The following ZNF431 variants were observed in gnomAD, a reference collection of about 807,000 sequenced individuals.
ZNF431 encodes the protein zinc finger protein 431.
Under a neutral mutation model 57.0 loss-of-function variants are expected in ZNF431, and 34 were observed. That is an observed-to-expected ratio of 0.60 (90% confidence interval 0.45 to 0.79). The LOEUF (loss-of-function observed/expected upper bound fraction) is 0.79, where lower values mean the gene tolerates loss of function less well. Among genes scored for constraint, ZNF431 ranks in the 30% least tolerant of loss-of-function variants. The probability of loss-of-function intolerance (pLI) is 0.00; values close to 1 mark genes in which losing one functional copy is unlikely to be tolerated. For missense variants in ZNF431, 607 were observed against 667.1 expected, an observed-to-expected ratio of 0.91 and a Z score of 0.99; for synonymous variants, 207 against 220.3, an observed-to-expected ratio of 0.94 and a Z score of 0.54.
In ZNF431 at chr19:21,143,581, A is replaced by C. The variant is rs200352708; in HGVS notation, c.34A>C (p.Lys12Gln). Residue 12 changes from lysine to glutamine, a missense_variant, in exon 2 of 5, where the codon AAG becomes CAG. Transcript: ENST00000311048. ...DDLKYGVYPL[K>Q]EASGCPGAER... is the part of the protein sequence containing the mutation. ...CTTGAAATATGGAGTGTATCCTCTC[A>C]AGGAAGCAAGTGGATGCCCTGGGGC... 1.9e-6 allele frequency: 3 copies of C among 1,613,868 alleles called. No homozygotes were observed. Among genetic ancestry groups the C allele is most frequent in the Non-Finnish European group, 2.5e-6 (3 of 1,179,878 alleles).
At chr19:21,142,315 C>T (rs958611925) in intron 1 of ZNF431, 129 bp downstream of exon 1, 7 of 1,333,572 alleles carry the variant, frequency 5.2e-6, no homozygotes, top group Non-Finnish European at 7.5e-6. Flanking sequence ...TCTCCTTGCC[C>T]AGCTCGGCCT....
At chr19:21,168,524 A>G (rs903126277) in intron 4 of ZNF431, among the ~76,000 whole-genome samples, 1 of 152,016 alleles carries the variant, frequency 6.6e-6, no homozygotes, top group African/African-American at 2.4e-5. Context: ...GTGCCACCAC[A>G]CATAGCTAAT....
chr19:21,189,331 A>G lies in ZNF431; in HGVS notation c.*5297A>G, dbSNP rs1175027417. The G allele has an allele frequency of 6.6e-6, 1 of 152,174 alleles. No individual in the cohort carries two copies. 9.4% of individuals were successfully genotyped at this position (152,174 alleles called of 1,614,324 possible). On this transcript the variant is annotated 3_prime_UTR_variant, in exon 5 of 5. Coordinates refer to ENST00000311048, the MANE Select transcript of ZNF431 (RefSeq NM_133473.4). ...GAAACCCTGTCTCTACTAAAAATAC[A>G]AAATAAGCAGCGTGTGGTGACACAT...
At chr19:21,169,245 T>C (rs1970811209) in intron 4 of ZNF431, among the ~76,000 whole-genome samples, 1 of 152,154 alleles carries the variant, frequency 6.6e-6, no homozygotes, top group Non-Finnish European at 1.5e-5. Flanking sequence ...TGTTTATGGT[T>C]TTTTTATATA....
chr19:21,184,116 C>T lies in ZNF431; in HGVS notation c.*82C>T. Reference sequence around the variant, plus strand: ...AAATGGCTCCCAGCATTTTGGGAGGCTGAGGTGGGTGGATCACAAGGTCAA... The same window carrying T: ...AAATGGCTCCCAGCATTTTGGGAGGTTGAGGTGGGTGGATCACAAGGTCAA... On this transcript the variant is annotated 3_prime_UTR_variant, in exon 5 of 5. Coordinates refer to ENST00000311048, the MANE Select transcript of ZNF431 (RefSeq NM_133473.4). 7.9e-7 allele frequency: 1 copy of T among 1,258,402 alleles called. No individual in the cohort carries two copies. The allele number at this position is 1,258,402 out of a possible 1,614,324, so 78.0% of individuals were successfully genotyped here.
At position 21,146,116 on chromosome 19, in the gene ZNF431, G is replaced by T. The variant is rs546216891; in HGVS notation, c.96+2473G>T. Among the ~76,000 whole-genome samples, 33 of 152,226 alleles carry T rather than the reference G, an allele frequency of 2.2e-4. 1 individual carries two copies. The highest frequency in any genetic ancestry group is 7.0e-4 in the African/African-American group (29 of 41,538). The stretch of plus-strand genomic sequence containing the variant: ...GTCCCAATCCAAGCCCCAAAAGAGG[G>T]TTCTTGGATTTTGCTCAAGAAAAAA... On this transcript the variant is annotated intron_variant, in intron 2 of 4. Transcript: ENST00000311048.
In ZNF431 at chr19:21,188,660, T is replaced by C. The variant is rs1288608566; in HGVS notation, c.*4626T>C. 1 of 152,196 alleles carries C rather than the reference T, an allele frequency of 6.6e-6. No homozygotes were observed. Among genetic ancestry groups the C allele is most frequent in the Non-Finnish European group, 1.5e-5 (1 of 68,036 alleles). 9.4% of individuals were successfully genotyped at this position (152,196 alleles called of 1,614,324 possible). On this transcript the variant is annotated 3_prime_UTR_variant, in exon 5 of 5. Transcript: ENST00000311048. ...AGTGGGAGAGGTTTAGTCTACAGTT[T>C]TTATTTTTAGTCACCAAACTGTAGC...
At chr19:21,142,289 A>C in intron 1 of ZNF431, 103 bp downstream of exon 1, 1 of 1,508,988 alleles carries the variant, frequency 6.6e-7, no homozygotes, top group South Asian at 1.1e-5. Context: ...TCAGCTCCAC[A>C]GTCTGCGCCC....
intron 2 of ZNF431, among the ~76,000 whole-genome samples, chr19:21,157,891 C>T (rs988900354): frequency 2.1e-4 from 31 of 148,258 alleles, no homozygotes; most frequent in African/African-American, 6.0e-4. Context: ...CCTTGTTCTG[C>T]GAGTCTGTTT....
At position 21,182,779 on chromosome 19, in the gene ZNF431, A is replaced by G. The variant is rs747475902; in HGVS notation, c.476A>G (p.Glu159Gly). 2 of 1,613,876 alleles carry G rather than the reference A, an allele frequency of 1.2e-6. No homozygotes were observed. Among genetic ancestry groups the G allele is most frequent in the Admixed American group, 3.3e-5 (2 of 60,014 alleles). The change falls in exon 5 of 5, where the codon GAA becomes GGA. Residue 159 changes from glutamate to glycine, a missense_variant. Coordinates refer to ENST00000311048, the MANE Select transcript of ZNF431 (RefSeq NM_133473.4). ...ASVDEYKVHK[E>G]GYNELNQCLT... is the part of the protein sequence containing the mutation. ...GTAGATGAGTATAAGGTGCACAAAG[A>G]AGGTTATAATGAGCTAAACCAGTGT...
intron 1 of ZNF431, among the ~76,000 whole-genome samples, chr19:21,142,528 G>A (rs1334359617): frequency 6.6e-6 from 1 of 152,236 alleles, no homozygotes; most frequent in Admixed American, 6.5e-5. Context: ...GCGGGTTCAT[G>A]AATGGGAAGA....
At chr19:21,158,712 A>C (rs892182693) in intron 2 of ZNF431, among the ~76,000 whole-genome samples, 8 of 151,888 alleles carry the variant, frequency 5.3e-5, no homozygotes, top group African/African-American at 1.9e-4. Context: ...CAGTTTAAAC[A>C]GCTTTTTGCT....
At chr19:21,155,262 A>G (rs1286779219) in intron 2 of ZNF431, among the ~76,000 whole-genome samples, 2 of 152,196 alleles carry the variant, frequency 1.3e-5, no homozygotes, top group East Asian at 3.8e-4. Context: ...TCCCAGCACC[A>G]TTTATTAAAT....
chr19:21,147,729 A>G (rs988622306), intron 2 of ZNF431, among the ~76,000 whole-genome samples: 2 of 152,160 alleles, frequency 1.3e-5, no homozygotes, highest in African/African-American at 4.8e-5. Flanking sequence ...CTTAGAAGAG[A>G]CATAAAATAA....
chr19:21,154,425 G>A (rs1037244757), intron 2 of ZNF431, among the ~76,000 whole-genome samples: 6 of 152,122 alleles, frequency 3.9e-5, no homozygotes, highest in African/African-American at 1.4e-4. Context: ...ATCATTGTTG[G>A]ACATTTGGCT....
At chr19:21,156,409 C>T (rs1360728600) in intron 2 of ZNF431, among the ~76,000 whole-genome samples, 1 of 152,030 alleles carries the variant, frequency 6.6e-6, no homozygotes, top group Non-Finnish European at 1.5e-5. Context: ...GGTCCATGTG[C>T]AGCTTTGTTA....
At chr19:21,161,933 C>T (rs1044012004) in intron 2 of ZNF431, among the ~76,000 whole-genome samples, 11 of 152,000 alleles carry the variant, frequency 7.2e-5, no homozygotes, top group South Asian at 6.2e-4. Context: ...GGATTACAGG[C>T]GTGAGCCACC....
At chr19:21,175,347 A>G in intron 4 of ZNF431, 1 of 669,148 alleles carries the variant, frequency 1.5e-6, no homozygotes, top group Non-Finnish European at 2.7e-6. Flanking sequence ...TTTATTAAGT[A>G]ATTTAACTAA....
chr19:21,153,108 A>G (rs867819396), intron 2 of ZNF431, among the ~76,000 whole-genome samples: 6 of 152,200 alleles, frequency 3.9e-5, no homozygotes, highest in Non-Finnish European at 7.3e-5. Context: ...TAACTTCCAG[A>G]CATTGCCATG....
Sources: gnomAD v4.1 joint callset for allele counts (sites outside exome capture counted in the v4.1 genomes callset) on GRCh38, gnomAD v4.1.1 for gene constraint, MANE v1.5 for transcripts, NCBI Gene and HGNC (gene_info 2026-07-23, HGNC 2026-07-21) for gene names.